NBAS: variants seen among roughly 807,000 people sequenced by gnomAD.
The protein encoded by NBAS is NAG/BC035112 fusion.
NBAS carries 219 observed loss-of-function variants against 302.5 expected under a neutral mutation model. The ratio of observed to expected loss-of-function variants is 0.72; its 90% CI spans 0.65 to 0.81. The LOEUF (loss-of-function observed/expected upper bound fraction) is 0.81, where lower values mean the gene tolerates loss of function less well. NBAS is among the 30% of genes least tolerant of loss of function. The pLI, the probability that NBAS is intolerant of heterozygous loss-of-function variation, is 0.00. For missense variants in NBAS, 2,932 were observed against 2,841.6 expected (o/e 1.03, Z -0.72); for synonymous variants, 1,118 against 1,021.6 (o/e 1.09, Z -1.80).
chr2:15,345,356 T>C (rs1009387500), intron 35 of NBAS, among the ~76,000 whole-genome samples: 7 of 151,624 alleles, frequency 4.6e-5, no homozygotes, highest in Non-Finnish European at 1.5e-5. Flanking sequence ...CATTCCTTTA[T>C]GCCTACAACA....
At chr2:15,464,762 T>C (rs982478030) in intron 19 of NBAS, among the ~76,000 whole-genome samples, 1 of 152,168 alleles carries the variant, frequency 6.6e-6, no homozygotes, top group African/African-American at 2.4e-5. Flanking sequence ...TTCAACTACT[T>C]ACATGGCAGG....
chr2:15,546,062 A>G (rs1313338203), intron 6 of NBAS, among the ~76,000 whole-genome samples: 1 of 152,218 alleles, frequency 6.6e-6, no homozygotes, highest in African/African-American at 2.4e-5. Context: ...AGTAGAAATG[A>G]TCAAAAAAGA....
the NBAS span, among the ~76,000 whole-genome samples, chr2:15,088,791 T>C: frequency 1.3e-5 from 2 of 152,220 alleles, no homozygotes; most frequent in Non-Finnish European, 2.9e-5. Flanking sequence ...AAAACCAAGA[T>C]AGATCCAAGG....
At chr2:15,282,069 C>T (rs1669850700) in intron 42 of NBAS, among the ~76,000 whole-genome samples, 1 of 152,152 alleles carries the variant, frequency 6.6e-6, no homozygotes, top group African/African-American at 2.4e-5. Context: ...TGTGTAAGAC[C>T]TATAACCTGA....
At chr2:15,420,219 A>C (rs1436871788) in intron 23 of NBAS, among the ~76,000 whole-genome samples, 1 of 152,188 alleles carries the variant, frequency 6.6e-6, no homozygotes, top group African/African-American at 2.4e-5. Flanking sequence ...ACACCTTAAA[A>C]ATATCACAGA....
chr2:15,476,185 T>G (rs1051751879), intron 13 of NBAS, among the ~76,000 whole-genome samples: 2 of 152,284 alleles, frequency 1.3e-5, no homozygotes, highest in East Asian at 3.9e-4. Context: ...AGGAGAGAGA[T>G]GTGTCACTAC....
chr2:15,093,308 C>T, the NBAS span, among the ~76,000 whole-genome samples: 4 of 152,120 alleles, frequency 2.6e-5, no homozygotes, highest in East Asian at 7.7e-4. Context: ...CTCAGCTACT[C>T]GGGAGACTGA....
chr2:14,953,280 T>A, the NBAS span, among the ~76,000 whole-genome samples: 2 of 151,904 alleles, frequency 1.3e-5, no homozygotes, highest in African/African-American at 4.8e-5. Context: ...GGGAGGATGA[T>A]GAGAGTCAGG....
intron 38 of NBAS, among the ~76,000 whole-genome samples, chr2:15,315,572 G>T (rs1403531128): frequency 1.3e-5 from 2 of 152,200 alleles, no homozygotes; most frequent in Non-Finnish European, 2.9e-5. Context: ...CTGGTCTCCA[G>T]CACTGCACTC....
chr2:15,323,514 T>A (rs1050206027), intron 38 of NBAS, among the ~76,000 whole-genome samples: 2 of 152,050 alleles, frequency 1.3e-5, no homozygotes, highest in African/African-American at 4.8e-5. Flanking sequence ...TTCCAAACAG[T>A]CTTCACTATG....
At chr2:14,988,531 G>A in the NBAS span, among the ~76,000 whole-genome samples, 1 of 152,122 alleles carries the variant, frequency 6.6e-6, no homozygotes, top group Admixed American at 6.5e-5. Flanking sequence ...CCCTCATGAG[G>A]GAAGTTCACT....
At chr2:15,449,109 TTTAAAAAAAAGG>T (rs1678887597) in intron 21 of NBAS, among the ~76,000 whole-genome samples, 1 of 151,980 alleles carries the variant, frequency 6.6e-6, no homozygotes, top group Admixed American at 6.6e-5. Flanking sequence ...AACACATTAG[TTTAAAAAAAAGG>T]ATCTCTCAAA....
At chr2:15,331,998 C>A (rs1347143616) in intron 35 of NBAS, among the ~76,000 whole-genome samples, 1 of 152,048 alleles carries the variant, frequency 6.6e-6, no homozygotes, top group African/African-American at 2.4e-5. Flanking sequence ...AAGGAAGAGG[C>A]AGGAGAGATT....
chr2:15,481,489 C>T (rs2148599170), intron 12 of NBAS, among the ~76,000 whole-genome samples: 1 of 152,306 alleles, frequency 6.6e-6, no homozygotes, highest in African/African-American at 2.4e-5. Context: ...TCACCAAACT[C>T]CCCATGACCC....
At chr2:15,380,252 T>G (rs1020181480) in intron 29 of NBAS, among the ~76,000 whole-genome samples, 2 of 152,170 alleles carry the variant, frequency 1.3e-5, no homozygotes, top group Non-Finnish European at 2.9e-5. Flanking sequence ...TAATTTTAAT[T>G]TTCATTTTTA....
chr2:15,535,534 A>ATAAATAAC (rs1241431284), intron 8 of NBAS, among the ~76,000 whole-genome samples: 2 of 121,576 alleles, frequency 1.6e-5, no homozygotes, highest in African/African-American at 5.6e-5. Flanking sequence ...AAATAAATAA[A>ATAAATAAC]TAAATAAATA....
intron 14 of NBAS, among the ~76,000 whole-genome samples, chr2:15,475,330 A>C (rs1680142961): frequency 6.6e-6 from 1 of 152,250 alleles, no homozygotes; most frequent in Non-Finnish European, 1.5e-5. Flanking sequence ...TTACTAAAAG[A>C]ATCAAAAACT....
the NBAS span, among the ~76,000 whole-genome samples, chr2:14,817,659 A>G: frequency 6.6e-6 from 1 of 152,230 alleles, no homozygotes; most frequent in African/African-American, 2.4e-5. Flanking sequence ...AGGAATTATC[A>G]GAAGAAATAA....
At chr2:14,957,593 C>A in the NBAS span, among the ~76,000 whole-genome samples, 1 of 152,230 alleles carries the variant, frequency 6.6e-6, no homozygotes, top group African/African-American at 2.4e-5. Context: ...GGGGAAGGTT[C>A]CTACCCACCT....
Sources: allele counts gnomAD v4.1 joint callset (sites outside exome capture counted in the v4.1 genomes callset), GRCh38; gene constraint gnomAD v4.1.1; transcripts MANE v1.5; gene names NCBI Gene and HGNC (gene_info 2026-07-23, HGNC 2026-07-21).